PDGFC: variants seen among roughly 807,000 people sequenced by gnomAD.
The protein encoded by PDGFC is platelet-derived growth factor C.
Under a neutral mutation model 35.5 loss-of-function variants are expected in PDGFC, and 12 were observed. The observed-to-expected ratio is 0.34, with a 90% CI of 0.22 to 0.55. PDGFC has a LOEUF of 0.55. Among genes scored for constraint, PDGFC ranks in the 20% least tolerant of loss-of-function variants. PDGFC has a pLI of 0.91. For synonymous variants in PDGFC, 159 were observed against 148.8 expected, an observed-to-expected ratio of 1.07 and a Z score of -0.50; for missense variants, 322 against 412.4, an observed-to-expected ratio of 0.78 and a Z score of 1.90.
intron 1 of PDGFC, among the ~76,000 whole-genome samples, chr4:156,945,801 A>G (rs1731933702): frequency 6.6e-6 from 1 of 151,908 alleles, no homozygotes; most frequent in Non-Finnish European, 1.5e-5. Context: ...AACATCCAAC[A>G]TTGTACCACT....
intron 1 of PDGFC, among the ~76,000 whole-genome samples, chr4:156,879,450 A>T (rs1462368381): frequency 6.6e-6 from 1 of 152,166 alleles, no homozygotes; most frequent in Admixed American, 6.5e-5. Flanking sequence ...TACTTACTTG[A>T]ATCCCTCTTT....
rs1165371518 is a variant in PDGFC, at chr4:156,824,317, T to TACACAC, written c.315-13301_315-13300insGTGTGT. Among the ~76,000 whole-genome samples the TACACAC allele has an allele frequency of 1.5e-4, 14 of 92,926 alleles. 1 individual carries two copies. The highest frequency in any genetic ancestry group is 6.8e-4 in the South Asian group (2 of 2,950). The allele number at this position is 92,926 out of a possible 152,430, so 61.0% of individuals were successfully genotyped here. The stretch of plus-strand genomic sequence containing the variant: ...ATATATATATATATATATATATATA[T>TACACAC]ATATATATATACACACACACACACA... On this transcript the variant is annotated intron_variant, in intron 2 of 5. Transcript: ENST00000502773.
intron 3 of PDGFC, among the ~76,000 whole-genome samples, chr4:156,798,193 A>G (rs1440015355): frequency 1.3e-5 from 2 of 152,164 alleles, no homozygotes; most frequent in African/African-American, 2.4e-5. Flanking sequence ...CTCCGTCACA[A>G]AAACAAAACA....
chr4:156,833,074 G>C (rs956307135), intron 2 of PDGFC, among the ~76,000 whole-genome samples: 59 of 152,300 alleles, frequency 3.9e-4, no homozygotes, highest in African/African-American at 1.4e-3. Context: ...ATTTCTGAAG[G>C]CAAATATCAA....
Position 156,960,640 on chromosome 4 carries a change from G to A in PDGFC, c.118+10146C>T, listed in dbSNP as rs114418277. Among the ~76,000 whole-genome samples, 1,286 of 151,902 alleles carry A rather than the reference G, an allele frequency of 8.5e-3. 17 individuals carry two copies. Among genetic ancestry groups the A allele is most frequent in the African/African-American group, 0.028 (1,175 of 41,508 alleles). On this transcript the variant is annotated intron_variant, in intron 1 of 5. Transcript: ENST00000502773. ...GCCTTTTATTATCTACAAAATTAAC[G>A]CATTTCCAGCAGAGATCTGTCTCTA...
At chr4:156,773,954 C>T (rs1730753775) in intron 3 of PDGFC, among the ~76,000 whole-genome samples, 1 of 152,160 alleles carries the variant, frequency 6.6e-6, no homozygotes, top group Admixed American at 6.5e-5. Context: ...TTACTTCCAT[C>T]CTGGGCTCCA....
rs1219294426 is a variant in PDGFC, at chr4:156,971,104, TGAA to T, written c.-204_-202del. On this transcript the variant is annotated 5_prime_UTR_variant, in exon 1 of 6. Coordinates refer to ENST00000502773, the MANE Select transcript of PDGFC (RefSeq NM_016205.3). Reference sequence around the variant, plus strand: ...AGCCCTCTTCTGTGTCTCCAGTTTTTGAAAAGGATCAAAGCAAAACCTGGACCT... The same window carrying T: ...AGCCCTCTTCTGTGTCTCCAGTTTTTAAGGATCAAAGCAAAACCTGGACCT... 1.8e-6 allele frequency: 1 copy of T among 547,912 alleles called. No individual in the cohort carries two copies. Among genetic ancestry groups the T allele is most frequent in the East Asian group, 2.8e-5 (1 of 35,222 alleles). The allele number at this position is 547,912 out of a possible 1,614,324, so 33.9% of individuals were successfully genotyped here. A position where few individuals can be genotyped will look rare whatever the true frequency, so the allele number is the denominator to read the frequency against.
chr4:156,782,616 A>G (rs1340834731), intron 3 of PDGFC, among the ~76,000 whole-genome samples: 1 of 152,204 alleles, frequency 6.6e-6, no homozygotes, highest in Non-Finnish European at 1.5e-5. Context: ...AAGCATAAAC[A>G]GTTATATGTT....
intron 1 of PDGFC, among the ~76,000 whole-genome samples, chr4:156,970,215 C>T (rs1049896756): frequency 6.6e-6 from 1 of 152,196 alleles, no homozygotes; most frequent in Non-Finnish European, 1.5e-5. Flanking sequence ...GTAAGGACTT[C>T]AGAGTACAAA....
chr4:156,959,649 C>T (rs972073854), intron 1 of PDGFC, among the ~76,000 whole-genome samples: 3 of 151,966 alleles, frequency 2.0e-5, no homozygotes, highest in African/African-American at 4.8e-5. Context: ...TTTAAATGTT[C>T]GGCAGATACA....
chr4:156,793,913 G>GA (rs1731369271), intron 3 of PDGFC, among the ~76,000 whole-genome samples: 1 of 151,922 alleles, frequency 6.6e-6, no homozygotes, highest in Non-Finnish European at 1.5e-5. Flanking sequence ...AAGGTTATAA[G>GA]AACACAACAC....
chr4:156,766,314 A>C (rs1730528519), intron 5 of PDGFC, among the ~76,000 whole-genome samples: 2 of 152,150 alleles, frequency 1.3e-5, no homozygotes. Flanking sequence ...GAAAATTCTT[A>C]TGTGGAACTT....
chr4:156,911,484 A>G (rs1731038040), intron 1 of PDGFC, among the ~76,000 whole-genome samples: 1 of 152,124 alleles, frequency 6.6e-6, no homozygotes, highest in African/African-American at 2.4e-5. Flanking sequence ...GTAAATAATG[A>G]TACTAGTATT....
intron 1 of PDGFC, among the ~76,000 whole-genome samples, chr4:156,866,621 C>G (rs551809132): frequency 6.6e-6 from 1 of 151,808 alleles, no homozygotes; most frequent in African/African-American, 2.4e-5. Flanking sequence ...AACTATTGCC[C>G]CAATTGGTAC....
intron 2 of PDGFC, among the ~76,000 whole-genome samples, chr4:156,846,120 G>A (rs1170780488): frequency 6.6e-6 from 1 of 151,708 alleles, no homozygotes; most frequent in African/African-American, 2.4e-5. Context: ...TTTAAAAGTG[G>A]ACTCATAAAT....
intron 1 of PDGFC, among the ~76,000 whole-genome samples, chr4:156,877,088 T>C (rs1452239070): frequency 6.6e-6 from 1 of 151,908 alleles, no homozygotes; most frequent in Non-Finnish European, 1.5e-5. Flanking sequence ...TCTGTTTTCC[T>C]TTTTCTTTTT....
intron 1 of PDGFC, among the ~76,000 whole-genome samples, chr4:156,870,825 T>C (rs184570754): frequency 1.3e-5 from 2 of 152,272 alleles, no homozygotes; most frequent in Admixed American, 1.3e-4. Context: ...AGTTATAGTG[T>C]AATGTATTTG....
chr4:156,780,107 GTTTT>G (rs35403686), intron 3 of PDGFC, among the ~76,000 whole-genome samples: 3 of 125,022 alleles, frequency 2.4e-5, no homozygotes, highest in Admixed American at 8.1e-5. Flanking sequence ...CAAAATTAAG[GTTTT>G]TTTTTTTTTT....
At chr4:156,957,496 T>C (rs1732240932) in intron 1 of PDGFC, among the ~76,000 whole-genome samples, 1 of 152,028 alleles carries the variant, frequency 6.6e-6, no homozygotes, top group Non-Finnish European at 1.5e-5. Context: ...CTCTCCTTCC[T>C]TGGCATCCTT....
Sources: gnomAD v4.1 joint callset for allele counts (sites outside exome capture counted in the v4.1 genomes callset) on GRCh38, gnomAD v4.1.1 for gene constraint, MANE v1.5 for transcripts, NCBI Gene and HGNC (gene_info 2026-07-23, HGNC 2026-07-21) for gene names.